BTAF1: variants seen among roughly 807,000 people sequenced by gnomAD.
BTAF1 encodes TATA-binding protein-associated factor 172.
A neutral mutation model predicts 227.1 loss-of-function variants in BTAF1; 38 were observed. The observed-to-expected ratio is 0.17, with a 90% CI of 0.13 to 0.22. BTAF1 has a LOEUF of 0.22. Among genes scored for constraint, BTAF1 ranks in the 10% least tolerant of loss-of-function variants. The probability of loss-of-function intolerance (pLI) is 1.00; values close to 1 mark genes in which losing one functional copy is unlikely to be tolerated. For synonymous variants in BTAF1, 742 were observed against 751.9 expected (o/e 0.99, Z 0.21); for missense variants, 1,598 against 2,204.0 (o/e 0.73, Z 5.51).
chr10:91,977,156 G>T (rs1028287996), intron 14 of BTAF1, among the ~76,000 whole-genome samples: 5 of 152,158 alleles, frequency 3.3e-5, no homozygotes, highest in African/African-American at 1.2e-4. Context: ...AGGGCAACAT[G>T]GAAGGGGGGT....
At chr10:91,991,795 G>GTGTGTA (rs1554860513) in intron 20 of BTAF1, among the ~76,000 whole-genome samples, 1 of 5,626 alleles carries the variant, frequency 1.8e-4, no homozygotes, top group African/African-American at 2.5e-4. Flanking sequence ...GTGTGTGTGT[G>GTGTGTA]TGTATATATA....
intron 1 of BTAF1, among the ~76,000 whole-genome samples, chr10:91,934,101 A>G (rs1180687354): frequency 6.6e-6 from 1 of 152,198 alleles, no homozygotes; most frequent in Non-Finnish European, 1.5e-5. Context: ...AAGATTGGAT[A>G]TGTCTGTGTA....
intron 34 of BTAF1, among the ~76,000 whole-genome samples, chr10:92,023,234 G>A (rs1297254906): frequency 6.6e-6 from 1 of 152,160 alleles, no homozygotes; most frequent in African/African-American, 2.4e-5. Context: ...TTACGAAGAG[G>A]ACTTTCTGAG....
chr10:91,944,753 G>A (rs565547131), intron 4 of BTAF1, among the ~76,000 whole-genome samples: 1 of 152,188 alleles, frequency 6.6e-6, no homozygotes, highest in Admixed American at 6.5e-5. Context: ...GCAACCATGA[G>A]TCTACTTTTG....
chr10:92,026,994 C>T, intron 36 of BTAF1, 136 bp from the exon 37 acceptor site: 2 of 976,008 alleles, frequency 2.0e-6, no homozygotes, highest in Non-Finnish European at 3.0e-6. Flanking sequence ...ACATTTTGAG[C>T]TCATGTGGCC....
chr10:92,008,538 G>A (rs1240785552), intron 26 of BTAF1, among the ~76,000 whole-genome samples: 1 of 147,878 alleles, frequency 6.8e-6, no homozygotes, highest in African/African-American at 2.5e-5. Context: ...GGTAGAGGCA[G>A]CGTTCTCATT....
At chr10:92,007,103 A>G (rs1210228050) in intron 25 of BTAF1, among the ~76,000 whole-genome samples, 2 of 151,728 alleles carry the variant, frequency 1.3e-5, no homozygotes, top group African/African-American at 4.8e-5. Flanking sequence ...GATAAGCAGC[A>G]GAATTCACAG....
rs765588034 is a variant in BTAF1, at chr10:91,992,165, C to T, written c.2901C>T (p.His967=). ...GAATGCACCATACTGTCACCAAGCA[C>T]AGAGGTATAATTACACTCTACAGGC... ...KDGMHHTVTK[H]RGIITLYRHQ... Residue 967 remains histidine (H), a synonymous_variant, in exon 21 of 38, where the codon CAC becomes CAT. Coordinates refer to ENST00000265990, the MANE Select transcript of BTAF1 (RefSeq NM_003972.3). 6.2e-7 allele frequency: 1 copy of T among 1,611,698 alleles called. No homozygotes were observed. Among genetic ancestry groups the T allele is most frequent in the East Asian group, 2.2e-5 (1 of 44,838 alleles).
At chr10:91,928,276 C>CA (rs1564650525) in intron 1 of BTAF1, among the ~76,000 whole-genome samples, 1 of 152,130 alleles carries the variant, frequency 6.6e-6, no homozygotes, top group Non-Finnish European at 1.5e-5. Flanking sequence ...TTATGAAATG[C>CA]ATGGCCAACT....
chr10:91,969,431 A>G (rs1238473127), intron 14 of BTAF1, among the ~76,000 whole-genome samples: 1 of 152,112 alleles, frequency 6.6e-6, no homozygotes. Context: ...TTGGTGAGTC[A>G]GTCACCAATA....
Position 92,026,564 on chromosome 10 carries a change from T to C in BTAF1, c.5076-28T>C, listed in dbSNP as rs184989414. ...TCTGTTATAGGACTTAAGAATGGACTAATTTTATTTTTGTTATCTACTTTT... is the reference window on the plus strand; with the variant it reads ...TCTGTTATAGGACTTAAGAATGGACCAATTTTATTTTTGTTATCTACTTTT... On this transcript the variant is annotated intron_variant, in intron 35 of 37. Coordinates refer to ENST00000265990, the MANE Select transcript of BTAF1 (RefSeq NM_003972.3). The C allele has an allele frequency of 9.8e-4, 1,530 of 1,560,788 alleles. 6 individuals are homozygous for C. The Middle Eastern group carries it at 0.015, about 15-fold the overall frequency.
At chr10:91,992,929 GA>G (rs1203606237) in intron 21 of BTAF1, among the ~76,000 whole-genome samples, 1 of 152,190 alleles carries the variant, frequency 6.6e-6, no homozygotes, top group Non-Finnish European at 1.5e-5. Context: ...GCAATAGAAT[GA>G]ATGCTCTAGT....
intron 14 of BTAF1, among the ~76,000 whole-genome samples, chr10:91,967,826 C>G (rs1369015534): frequency 6.6e-6 from 1 of 152,056 alleles, no homozygotes; most frequent in African/African-American, 2.4e-5. Context: ...TATGTAGACC[C>G]TTTGAAGTTA....
At position 92,013,746 on chromosome 10, in the gene BTAF1, G is replaced by A. The variant is rs966281593; in HGVS notation, c.4391G>A (p.Arg1464Gln). Residue 1464 changes from arginine to glutamine, a missense_variant, in exon 31 of 38, where the codon CGA becomes CAA. Arg to Gln is a conservative substitution (Grantham distance 43, BLOSUM62 1). Transcript: ENST00000265990. ...FLGTERQFAA[R>Q]YGKPILASRD... is the part of the protein sequence containing the mutation. ...GGTACTGAACGCCAGTTTGCTGCTC[G>A]ATATGGTAAACCTATATTAGCAAGT... is the stretch of plus-strand genomic sequence containing the variant. The A allele has an allele frequency of 1.4e-5, 22 of 1,613,892 alleles. No individual in the cohort carries two copies. The highest frequency in any genetic ancestry group is 3.3e-5 in the Admixed American group (2 of 60,000).
Position 91,993,827 on chromosome 10 carries a change from C to G in BTAF1, c.3179C>G (p.Thr1060Arg). 6.3e-7 allele frequency: 1 copy of G among 1,595,270 alleles called. No individual in the cohort carries two copies. The highest frequency in any genetic ancestry group is 8.5e-7 in the Non-Finnish European group (1 of 1,171,082). ...WDAMVGPLRN[T>R]IDINNFDGKS... ...GCTATGGTTGGCCCATTGAGGAATA[C>G]AATCGACATAAATAATTTTGGTATA... The change falls in exon 22 of 38, where the codon ACA becomes AGA. Residue 1060 changes from threonine (T) to arginine (R), a missense_variant. Thr to Arg is a moderately conservative substitution (Grantham distance 71, BLOSUM62 -1). Coordinates refer to ENST00000265990, the MANE Select transcript of BTAF1 (RefSeq NM_003972.3).
intron 22 of BTAF1, 65 bp downstream of exon 22, chr10:91,993,912 C>A: frequency 1.6e-6 from 2 of 1,254,186 alleles, no homozygotes; most frequent in East Asian, 2.9e-5. Flanking sequence ...TGAATATATC[C>A]TTATAAAATA....
chr10:91,944,318 G>A (rs1016973889), intron 4 of BTAF1, among the ~76,000 whole-genome samples: 2 of 152,150 alleles, frequency 1.3e-5, no homozygotes, highest in Non-Finnish European at 2.9e-5. Flanking sequence ...ATGTTGATCT[G>A]TGTTTGTCCC....
intron 14 of BTAF1, among the ~76,000 whole-genome samples, chr10:91,973,267 G>C (rs1359826982): frequency 6.6e-6 from 1 of 152,170 alleles, no homozygotes; most frequent in Non-Finnish European, 1.5e-5. Flanking sequence ...TCTATCATTT[G>C]CTAATTTATG....
rs563228694 is a variant in BTAF1, at chr10:91,944,165, A to T, written c.400+1597A>T. ...GAAACTCTGTCTCCAAATAAAAAAA[A>T]AAAAGAAAAGTCCTATAGGTGATTC... On this transcript the variant is annotated intron_variant, in intron 4 of 37. Transcript: ENST00000265990. 3.3e-3 allele frequency among the ~76,000 whole-genome samples: 505 copies of T among 151,806 alleles called. 4 individuals carry two copies. Among genetic ancestry groups the T allele is most frequent in the African/African-American group, 0.012 (486 of 41,408 alleles).
Sources: allele counts gnomAD v4.1 joint callset (sites outside exome capture counted in the v4.1 genomes callset), GRCh38; gene constraint gnomAD v4.1.1; transcripts MANE v1.5; gene names NCBI Gene and HGNC (gene_info 2026-07-23, HGNC 2026-07-21).